Variants in CAD observed in about 807,000 individuals in gnomAD.
The protein encoded by CAD is multifunctional protein CAD.
Under a neutral mutation model 237.2 loss-of-function variants are expected in CAD, and 81 were observed. That is an observed-to-expected ratio of 0.34 (90% CI 0.29 to 0.41). The LOEUF (loss-of-function observed/expected upper bound fraction) is 0.41. Ranked by LOEUF, CAD falls within the 10% of genes least tolerant of loss-of-function variation. The pLI is 1.00. For synonymous variants in CAD, 1,196 were observed against 1,162.8 expected (o/e 1.03, Z -0.58); for missense variants, 2,181 against 2,951.7 (o/e 0.74, Z 6.05).
intron 8 of CAD, 39 bp downstream of exon 8, chr2:27,224,068 C>A: frequency 6.9e-7 from 1 of 1,441,488 alleles, no homozygotes. Flanking sequence ...GACCTAAGAA[C>A]AGGGTTGGCT....
Position 27,229,064 on chromosome 2 carries a change from G to A in CAD, c.2287+2102G>A, listed in dbSNP as rs537322534. ...CTCCTGAGTAGCTGGGACTACAGGC[G>A]CGCACAACCACGCCCAGCTAATTTT... On this transcript the variant is annotated intron_variant, in intron 15 of 43. Transcript: ENST00000264705. Among the ~76,000 whole-genome samples, 294 of 151,520 alleles carry A rather than the reference G, an allele frequency of 1.9e-3. 1 individual carries two copies. The highest frequency in any genetic ancestry group is 6.6e-3 in the African/African-American group (273 of 41,292).
In CAD at chr2:27,235,604, C is replaced by T. The variant is rs778433170; in HGVS notation, c.4038C>T (p.Leu1346=). 17 of 1,614,148 alleles carry T rather than the reference C, an allele frequency of 1.1e-5. No homozygotes were observed. The highest frequency in any genetic ancestry group is 1.2e-5 in the Non-Finnish European group (14 of 1,180,014). The change falls in exon 25 of 44, where the codon CTC becomes CTT. Residue 1346 remains leucine (L), a synonymous_variant. Coordinates refer to ENST00000264705, the MANE Select transcript of CAD (RefSeq NM_004341.5). The surrounding 1 kb of genome is among the most constrained non-coding windows in gnomAD (Gnocchi z 5.2). ...ESLGYSLYAS[L]GTADFYTEHG... ...TGGGCTACAGCCTCTATGCCAGTCT[C>T]GGCACAGCTGACTTCTACACTGAGC...
intron 3 of CAD, among the ~76,000 whole-genome samples, chr2:27,221,573 T>C (rs752230978): frequency 2.0e-5 from 3 of 152,088 alleles, no homozygotes; most frequent in Non-Finnish European, 2.9e-5. Flanking sequence ...GCTAATCTTA[T>C]TTCATCACCA....
In CAD at chr2:27,223,734, C is replaced by G. The variant is rs1056956031; in HGVS notation, c.981C>G (p.Ser327Arg). ...DGSNEGIVHN[S>R]LPFFSVQFHP... is the part of the protein sequence containing the mutation. ...CCAATGAAGGCATTGTGCACAACAG[C>G]TTGCCTTTCTTCAGGTGAGCCTGGT... Residue 327 changes from serine to arginine, a missense_variant, in exon 7 of 44, where the codon AGC becomes AGG. Physicochemically the swap from Ser to Arg is moderately radical, Grantham distance 110 (BLOSUM62 -1). This residue lies in a region of CAD where 129 missense variants were observed against 143.3 expected (regional missense o/e 0.90). Coordinates refer to ENST00000264705, the MANE Select transcript of CAD (RefSeq NM_004341.5). 8.1e-6 allele frequency: 13 copies of G among 1,614,014 alleles called. No individual in the cohort carries two copies. The highest frequency in any genetic ancestry group is 1.0e-5 in the Non-Finnish European group (12 of 1,179,982).
intron 15 of CAD, among the ~76,000 whole-genome samples, chr2:27,228,581 C>T (rs1343372109): frequency 2.0e-5 from 3 of 151,522 alleles, no homozygotes; most frequent in Non-Finnish European, 2.9e-5. Flanking sequence ...AGGCTAAGAC[C>T]CTGTCTTTTT....
In CAD at chr2:27,236,787, G is replaced by T; in HGVS notation, c.4353G>T (p.Val1451=). Residue 1451 remains valine (V), a synonymous_variant, in exon 27 of 44, where the codon GTG becomes GTT. Coordinates refer to ENST00000264705, the MANE Select transcript of CAD (RefSeq NM_004341.5). This position sits in a 1 kb window ranked among gnomAD's most constrained non-coding sequence, Gnocchi z 4.1. ...GQIGPAPPLK[V]HVDCMTSQKL... The stretch of plus-strand genomic sequence containing the variant: ...TCGGGCCAGCCCCTCCTTTGAAGGT[G>T]CATGTTGACTGTATGACCTCCCAAA... 6.2e-7 allele frequency: 1 copy of T among 1,614,148 alleles called. No homozygotes were observed. Among genetic ancestry groups the T allele is most frequent in the Admixed American group, 1.7e-5 (1 of 60,014 alleles).
At chr2:27,229,398 T>G (rs1359605460) in intron 15 of CAD, among the ~76,000 whole-genome samples, 1 of 151,828 alleles carries the variant, frequency 6.6e-6, no homozygotes, top group Non-Finnish European at 1.5e-5. Context: ...TTCTGAGGAG[T>G]GAGACTACAG....
intron 8 of CAD, 88 bp downstream of exon 8, chr2:27,224,117 C>T: frequency 9.7e-7 from 1 of 1,028,250 alleles, no homozygotes. Flanking sequence ...TGGGCAACTC[C>T]TAGATGTCTA....
At position 27,240,468 on chromosome 2, in the gene CAD, C is replaced by T; in HGVS notation, c.5593+107C>T. ...CATGTCCTCCTCTCCATCCCTTTAT[C>T]CTCGTCTGATCTGCCGTGCCATCCT... On this transcript the variant is annotated intron_variant, in intron 35 of 43. Transcript: ENST00000264705. This position sits in a 1 kb window ranked among gnomAD's most constrained non-coding sequence, Gnocchi z 4.6. 1 of 1,485,978 alleles carries T rather than the reference C, an allele frequency of 6.7e-7. No homozygotes were observed. Among genetic ancestry groups the T allele is most frequent in the Admixed American group, 1.8e-5 (1 of 56,658 alleles). The allele number at this position is 1,485,978 out of a possible 1,614,324, so 92.0% of individuals were successfully genotyped here. A position where few individuals can be genotyped will look rare whatever the true frequency, so the allele number is the denominator to read the frequency against.
Position 27,239,402 on chromosome 2 carries a change from AG to A in CAD, c.5328del (p.Gln1777ArgfsTer3). Reference sequence around the variant, plus strand: ...CCAAGGCCCACTGGACACCTTTTGAAGGGCAGAAAGTGAAGGGCACCGTCCG... The same window carrying A: ...CCAAGGCCCACTGGACACCTTTTGAAGGCAGAAAGTGAAGGGCACCGTCCG... The part of the protein sequence containing the change: ...FSKAHWTPFE[G>X]QKVKGTVRRV... On this transcript the variant is annotated frameshift_variant, in exon 33 of 44. Coordinates refer to ENST00000264705, the MANE Select transcript of CAD (RefSeq NM_004341.5). LOFTEE classifies it high-confidence loss of function. This position sits in a 1 kb window ranked among gnomAD's most constrained non-coding sequence, Gnocchi z 4.0. The A allele has an allele frequency of 6.2e-7, 1 of 1,614,130 alleles. No homozygotes were observed. The highest frequency in any genetic ancestry group is 8.5e-7 in the Non-Finnish European group (1 of 1,180,000).
intron 15 of CAD, among the ~76,000 whole-genome samples, chr2:27,228,504 G>A (rs373901217): frequency 2.0e-5 from 3 of 152,202 alleles, no homozygotes; most frequent in Admixed American, 2.0e-4. Flanking sequence ...TGGGAGGATC[G>A]CTTGAGCCCA....
chr2:27,232,103 C>G lies in CAD; in HGVS notation c.2524C>G (p.Arg842Gly). Reference sequence around the variant, plus strand: ...CCGCTGGTTCCTGCACCGAATGAAGCGTATCATCGCACATGCCCAGCTGCT... The same window carrying G: ...CCGCTGGTTCCTGCACCGAATGAAGGGTATCATCGCACATGCCCAGCTGCT... The part of the protein sequence containing the change: ...IDRWFLHRMK[R>G]IIAHAQLLEQ... The change falls in exon 17 of 44, where the codon CGT (arginine) becomes GGT (glycine). Residue 842 changes from arginine to glycine, a missense_variant. Physicochemically the swap from Arg to Gly is moderately radical, Grantham distance 125. Transcript: ENST00000264705. This position sits in a 1 kb window ranked among gnomAD's most constrained non-coding sequence, Gnocchi z 4.1. 6.2e-7 allele frequency: 1 copy of G among 1,614,222 alleles called. No individual in the cohort carries two copies. Among genetic ancestry groups the G allele is most frequent in the Non-Finnish European group, 8.5e-7 (1 of 1,180,034 alleles).
rs569535597 is a variant in CAD, at chr2:27,230,619, T to TC, written c.2288-847dup. ...CCAGCCTGGGCAACAAGAGCGAAAG[T>TC]CCATCTAAAAAAAAAAAACCTATGA... On this transcript the variant is annotated intron_variant, in intron 15 of 43. Coordinates refer to ENST00000264705, the MANE Select transcript of CAD (RefSeq NM_004341.5). 2.6e-3 allele frequency among the ~76,000 whole-genome samples: 395 copies of TC among 150,662 alleles called. 2 individuals carry two copies. The highest frequency in any genetic ancestry group is 0.01 in the Middle Eastern group (3 of 294).
intron 1 of CAD, 119 bp from the exon 2 acceptor site, chr2:27,217,758 T>C: frequency 2.8e-6 from 4 of 1,438,324 alleles, no homozygotes; most frequent in Admixed American, 2.1e-5. Flanking sequence ...TCGGTGCCCA[T>C]GGGCCCCAGC....
Position 27,239,566 on chromosome 2 carries a change from T to A in CAD, c.5394+95T>A. ...AGCACATCTACACTGTCCCACTATGTGCACCACTGCCCTGGACCAGGGGTT... is the reference window on the plus strand; with the variant it reads ...AGCACATCTACACTGTCCCACTATGAGCACCACTGCCCTGGACCAGGGGTT... On this transcript the variant is annotated intron_variant, in intron 33 of 43. Transcript: ENST00000264705. The surrounding 1 kb of genome is among the most constrained non-coding windows in gnomAD (Gnocchi z 4.0). 1 of 1,542,654 alleles carries A rather than the reference T, an allele frequency of 6.5e-7. No homozygotes were observed. The highest frequency in any genetic ancestry group is 1.2e-5 in the South Asian group (1 of 85,452).
At position 27,225,020 on chromosome 2, in the gene CAD, A is replaced by G. The variant is rs375757875; in HGVS notation, c.1397A>G (p.Asn466Ser). ...CCTCTCCATCCTCAGGTGATACGTA[A>G]TGAACGCCCCGATGGTGTGTTACTG... is the stretch of plus-strand genomic sequence containing the variant. ...TPHYVTQVIR[N>S]ERPDGVLLTF... The change falls in exon 11 of 44, where the codon AAT (asparagine) becomes AGT (serine). Residue 466 changes from asparagine (N) to serine (S), a missense_variant. Transcript: ENST00000264705. 1.9e-6 allele frequency: 3 copies of G among 1,610,034 alleles called. No individual in the cohort carries two copies. Among genetic ancestry groups the G allele is most frequent in the Non-Finnish European group, 2.5e-6 (3 of 1,176,580 alleles).
Position 27,240,966 on chromosome 2 carries a change from AC to A in CAD, c.5638+14del. 1.2e-6 allele frequency: 2 copies of A among 1,613,938 alleles called. No homozygotes were observed. The highest frequency in any genetic ancestry group is 1.7e-6 in the Non-Finnish European group (2 of 1,179,952). On this transcript the variant is annotated intron_variant, in intron 36 of 43. Transcript: ENST00000264705. The surrounding 1 kb of genome is among the most constrained non-coding windows in gnomAD (Gnocchi z 4.6). ...AGGTAGCCGAGCCAGGTGAGACTCC[AC>A]CCTGACACACACTCACCTCGGGGAC...
intron 15 of CAD, among the ~76,000 whole-genome samples, chr2:27,229,992 C>T (rs567914515): frequency 6.6e-6 from 1 of 151,944 alleles, no homozygotes; most frequent in South Asian, 2.1e-4. Context: ...AATCCCAGCA[C>T]TTTGGGAGGC....
At position 27,233,110 on chromosome 2, in the gene CAD, T is replaced by C. The variant is rs1347685102; in HGVS notation, c.2961T>C (p.Asp987=). 1 of 1,613,696 alleles carries C rather than the reference T, an allele frequency of 6.2e-7. No individual in the cohort carries two copies. Among genetic ancestry groups the C allele is most frequent in the Non-Finnish European group, 8.5e-7 (1 of 1,179,558 alleles). ...ETVSTDYDMC[D]RLYFDEISFE... ...TCAGCACCGACTATGACATGTGTGA[T>C]CGACTCTACTTTGATGAGATCTCTT... The change falls in exon 19 of 44, where the codon GAT becomes GAC. Residue 987 remains aspartate (D), a synonymous_variant. Transcript: ENST00000264705. This position sits in a 1 kb window ranked among gnomAD's most constrained non-coding sequence, Gnocchi z 6.3.
Sources: gnomAD v4.1 joint callset for allele counts (sites outside exome capture counted in the v4.1 genomes callset) on GRCh38, gnomAD v4.1.1 for gene constraint, gnomAD v4.1.1 regional missense constraint, Gnocchi (gnomAD v3.1) non-coding constraint, MANE v1.5 for transcripts, NCBI Gene and HGNC (gene_info 2026-07-23, HGNC 2026-07-21) for gene names.